The following RIMS1 variants were observed in gnomAD, a reference collection of about 807,000 sequenced individuals.
RIMS1 encodes the protein regulating synaptic membrane exocytosis protein 1.
In RIMS1, 83 loss-of-function variants were observed where a neutral mutation model predicts 214.1. That is an observed-to-expected ratio of 0.39 (90% CI 0.32 to 0.47). The LOEUF (loss-of-function observed/expected upper bound fraction) is 0.47, where lower values mean the gene tolerates loss of function less well. Among genes scored for constraint, RIMS1 ranks in the 20% least tolerant of loss-of-function variants. RIMS1 has a pLI of 0.99. For synonymous variants in RIMS1, 793 were observed against 786.8 expected, an observed-to-expected ratio of 1.01 and a Z score of -0.13; for missense variants, 2,050 against 2,161.8, an observed-to-expected ratio of 0.95 and a Z score of 1.03.
In RIMS1 at chr6:72,231,907, A is replaced by G. The variant is rs536581228; in HGVS notation, c.1679-1866A>G. Among the ~76,000 whole-genome samples the G allele has an allele frequency of 4.6e-5, 7 of 151,756 alleles. No homozygotes were observed. The South Asian group carries it at 1.5e-3, about 31-fold the overall frequency. On this transcript the variant is annotated intron_variant, in intron 6 of 33. Coordinates refer to ENST00000521978, the MANE Select transcript of RIMS1 (RefSeq NM_014989.7). ...TAATAGATTTACTTAGGATAATATGAGCGAAACAAGGGGTTGAACCGCCAT... is the reference window on the plus strand; with the variant it reads ...TAATAGATTTACTTAGGATAATATGGGCGAAACAAGGGGTTGAACCGCCAT...
intron 28 of RIMS1, among the ~76,000 whole-genome samples, chr6:72,323,699 A>T (rs897902215): frequency 4.1e-4 from 62 of 151,946 alleles, no homozygotes; most frequent in African/African-American, 1.4e-3. Flanking sequence ...CTGATAAAAG[A>T]CATCAAATTA....
At chr6:72,350,587 T>C (rs941660648) in intron 29 of RIMS1, among the ~76,000 whole-genome samples, 5 of 151,872 alleles carry the variant, frequency 3.3e-5, no homozygotes, top group Non-Finnish European at 7.4e-5. Context: ...TTGTCTATTC[T>C]TTTGTTCTGC....
At chr6:72,047,461 C>T (rs956075825) in intron 2 of RIMS1, among the ~76,000 whole-genome samples, 2 of 152,036 alleles carry the variant, frequency 1.3e-5, no homozygotes, top group Non-Finnish European at 2.9e-5. Flanking sequence ...TTTTCACCAG[C>T]CTTAAGCAGT....
chr6:71,950,505 C>T (rs1789126879), intron 1 of RIMS1, among the ~76,000 whole-genome samples: 1 of 152,078 alleles, frequency 6.6e-6, no homozygotes, highest in African/African-American at 2.4e-5. Context: ...GTTTAGCCTC[C>T]CTGTTCACAG....
At chr6:72,099,845 T>A (rs2033088512) in intron 3 of RIMS1, 130 bp from the exon 4 acceptor site, 1 of 692,388 alleles carries the variant, frequency 1.4e-6, no homozygotes, top group Non-Finnish European at 2.5e-6. Context: ...TTCAAAATAG[T>A]TGTGCTTTAA....
chr6:72,138,466 T>C (rs1283952656), intron 4 of RIMS1, among the ~76,000 whole-genome samples: 2 of 152,188 alleles, frequency 1.3e-5, no homozygotes, highest in Non-Finnish European at 2.9e-5. Context: ...CTGCTTTTTC[T>C]GGATTTTTCA....
At chr6:72,260,181 T>C (rs781610103) in intron 18 of RIMS1, among the ~76,000 whole-genome samples, 1 of 152,116 alleles carries the variant, frequency 6.6e-6, no homozygotes, top group Non-Finnish European at 1.5e-5. Context: ...TGAAATTAAT[T>C]TGGATATAGA....
intron 2 of RIMS1, among the ~76,000 whole-genome samples, chr6:72,079,065 T>G (rs1217680606): frequency 6.6e-6 from 1 of 152,168 alleles, no homozygotes; most frequent in African/African-American, 2.4e-5. Context: ...GGAGCTGTTT[T>G]TATTCCTTCA....
intron 6 of RIMS1, among the ~76,000 whole-genome samples, chr6:72,219,109 CT>C (rs1193690545): frequency 1.3e-5 from 2 of 152,132 alleles, no homozygotes; most frequent in Non-Finnish European, 2.9e-5. Flanking sequence ...ATATTCTCCC[CT>C]ATCCTTCCCC....
At chr6:71,922,027 A>G (rs1458649588) in intron 1 of RIMS1, among the ~76,000 whole-genome samples, 3 of 152,178 alleles carry the variant, frequency 2.0e-5, no homozygotes, top group Non-Finnish European at 4.4e-5. Flanking sequence ...AGTGGCATAC[A>G]TATGTATACT....
intron 2 of RIMS1, among the ~76,000 whole-genome samples, chr6:72,048,420 A>AT (rs1823672546): frequency 6.6e-6 from 1 of 152,152 alleles, no homozygotes; most frequent in African/African-American, 2.4e-5. Flanking sequence ...AAAGCACAGT[A>AT]TTCTTTAAAG....
chr6:72,221,108 T>A (rs1197547072), intron 6 of RIMS1, among the ~76,000 whole-genome samples: 1 of 152,082 alleles, frequency 6.6e-6, no homozygotes, highest in African/African-American at 2.4e-5. Context: ...GAGTTTGCTA[T>A]ATAGAGTCTT....
chr6:71,890,590 A>AC (rs1769431839), intron 1 of RIMS1, among the ~76,000 whole-genome samples: 2 of 146,876 alleles, frequency 1.4e-5, no homozygotes, highest in African/African-American at 2.6e-5. Context: ...AAAAAAAAAA[A>AC]AAAAAAACTT....
At chr6:72,256,809 T>C (rs2154150219) in intron 16 of RIMS1, among the ~76,000 whole-genome samples, 1 of 152,108 alleles carries the variant, frequency 6.6e-6, no homozygotes, top group East Asian at 1.9e-4. Flanking sequence ...ATATTACATC[T>C]GAATAACAGA....
intron 4 of RIMS1, among the ~76,000 whole-genome samples, chr6:72,131,276 TG>T (rs1266346703): frequency 1.3e-5 from 2 of 152,186 alleles, no homozygotes; most frequent in Non-Finnish European, 2.9e-5. Context: ...CTAACAACTG[TG>T]ACTAAATTAG....
At chr6:71,900,258 G>A (rs555842872) in intron 1 of RIMS1, among the ~76,000 whole-genome samples, 25 of 152,012 alleles carry the variant, frequency 1.6e-4, no homozygotes, top group Non-Finnish European at 3.2e-4. Context: ...AGCACTGGAA[G>A]GAAGCCAGTC....
intron 2 of RIMS1, among the ~76,000 whole-genome samples, chr6:72,078,486 T>G (rs1832455804): frequency 6.6e-6 from 1 of 152,148 alleles, no homozygotes; most frequent in Non-Finnish European, 1.5e-5. Context: ...CTTGTTATAT[T>G]GGCAAGGATA....
chr6:72,007,193 T>C (rs1016794718), intron 2 of RIMS1, among the ~76,000 whole-genome samples: 12 of 152,238 alleles, frequency 7.9e-5, no homozygotes, highest in Non-Finnish European at 1.6e-4. Context: ...CAGCCTCCGC[T>C]GCTGATACCC....
At chr6:71,887,260 C>T (rs770763832) in intron 1 of RIMS1, 73 bp downstream of exon 1, 16 of 1,534,356 alleles carry the variant, frequency 1.0e-5, no homozygotes, top group Non-Finnish European at 1.4e-5. Context: ...CTCCCCTAGT[C>T]CTCGCGGCTG....
Sources: gnomAD v4.1 joint callset for allele counts (sites outside exome capture counted in the v4.1 genomes callset) on GRCh38, gnomAD v4.1.1 for gene constraint, MANE v1.5 for transcripts, NCBI Gene and HGNC (gene_info 2026-07-23, HGNC 2026-07-21) for gene names.